The following CPXM2 variants were observed in gnomAD, a reference collection of about 807,000 sequenced individuals.
The protein encoded by CPXM2 is carboxypeptidase X, M14 family member 2, also known as inactive carboxypeptidase-like protein X2.
CPXM2 carries 66 observed loss-of-function variants against 86.1 expected under a neutral mutation model. The observed-to-expected ratio is 0.77, with a 90% CI of 0.63 to 0.94. The LOEUF (loss-of-function observed/expected upper bound fraction) is 0.94, where lower values mean the gene tolerates loss of function less well. CPXM2 is among the 40% of genes least tolerant of loss of function. The probability of loss-of-function intolerance (pLI) is 0.00; values close to 1 mark genes in which losing one functional copy is unlikely to be tolerated. For synonymous variants in CPXM2, 388 were observed against 400.2 expected (o/e 0.97, Z 0.36); for missense variants, 948 against 1,026.3 (o/e 0.92, Z 1.04).
intron 1 of CPXM2, among the ~76,000 whole-genome samples, chr10:123,888,124 A>G (rs1308785322): frequency 2.0e-5 from 3 of 152,124 alleles, no homozygotes; most frequent in African/African-American, 7.2e-5. Flanking sequence ...TCAAATCCCC[A>G]ATGCCCTTGG....
chr10:123,818,076 G>A (rs954701039), intron 4 of CPXM2, among the ~76,000 whole-genome samples: 3 of 152,212 alleles, frequency 2.0e-5, no homozygotes, highest in African/African-American at 4.8e-5. Flanking sequence ...GAGGAGGTAT[G>A]TGGATGGACC....
At chr10:123,757,547 G>C (rs1346928950) in intron 11 of CPXM2, among the ~76,000 whole-genome samples, 195 bp from the exon 12 acceptor site, 1 of 152,228 alleles carries the variant, frequency 6.6e-6, no homozygotes, top group African/African-American at 2.4e-5. Flanking sequence ...TTGGAGAGAA[G>C]ATGCAGCCGG....
At chr10:123,799,674 CAAAAAT>C (rs1847411280) in intron 4 of CPXM2, among the ~76,000 whole-genome samples, 1 of 152,118 alleles carries the variant, frequency 6.6e-6, no homozygotes, top group Non-Finnish European at 1.5e-5. Context: ...TTACCAATCA[CAAAAAT>C]AAAATGTTGA....
At chr10:123,841,578 A>G (rs1160734424) in intron 4 of CPXM2, among the ~76,000 whole-genome samples, 1 of 152,176 alleles carries the variant, frequency 6.6e-6, no homozygotes, top group Admixed American at 6.5e-5. Flanking sequence ...TGACTGCTCT[A>G]GGTCATCATG....
Position 123,750,307 on chromosome 10 carries a change from A to G in CPXM2, c.2018-3290T>C, listed in dbSNP as rs534659915. On this transcript the variant is annotated intron_variant, in intron 13 of 13. Transcript: ENST00000241305. ...GGCTCAGTGCTTAGAGCAAAACCCA[A>G]CGCAGGTCCTGGGGGCCCCTTCCAC... 4.5e-5 allele frequency: 44 copies of G among 984,826 alleles called. No individual in the cohort carries two copies. The African/African-American group carries it at 7.3e-4, about 16-fold the overall frequency. 61.0% of individuals were successfully genotyped at this position (984,826 alleles called of 1,614,324 possible).
chr10:123,915,734 G>C (rs1310848580), intron 2 of CPXM2, among the ~76,000 whole-genome samples: 2 of 152,150 alleles, frequency 1.3e-5, no homozygotes, highest in Non-Finnish European at 2.9e-5. Context: ...CATCCTCAGA[G>C]TTGGTCAATA....
In CPXM2 at chr10:123,798,089, AGAACAG is replaced by A; in HGVS notation, c.770_775del (p.Pro257_Val258del). ...CACCATGGGGACGGGTAGCTCATTG[AGAACAG>A]GGATCTCCTTCTCACTGTTTCCCTC... On this transcript the variant is annotated inframe_deletion, in exon 6 of 14. Coordinates refer to ENST00000241305, the MANE Select transcript of CPXM2 (RefSeq NM_198148.3). The A allele has an allele frequency of 6.2e-7, 1 of 1,610,978 alleles. No individual in the cohort carries two copies. Among genetic ancestry groups the A allele is most frequent in the East Asian group, 2.2e-5 (1 of 44,642 alleles).
intron 2 of CPXM2, among the ~76,000 whole-genome samples, chr10:123,906,725 G>A (rs892023482): frequency 6.6e-6 from 1 of 152,156 alleles, no homozygotes; most frequent in African/African-American, 2.4e-5. Context: ...TCCAAAGACA[G>A]GAAATCTATG....
intron 4 of CPXM2, among the ~76,000 whole-genome samples, chr10:123,838,232 CG>C (rs1848316624): frequency 6.6e-6 from 1 of 152,134 alleles, no homozygotes; most frequent in African/African-American, 2.4e-5. Context: ...GAGGCCGAGG[CG>C]GGAGGATTAC....
At position 123,854,374 on chromosome 10, in the gene CPXM2, A is replaced by AAAATATATATTATATAAAAAT. The variant is rs1554885769; in HGVS notation, c.513+8239_513+8240insATTTTTATATAATATATATTT. 3.3e-3 allele frequency among the ~76,000 whole-genome samples: 271 copies of AAAATATATATTATATAAAAAT among 83,060 alleles called. 3 individuals carry two copies. Among genetic ancestry groups the AAAATATATATTATATAAAAAT allele is most frequent in the African/African-American group, 8.4e-3 (155 of 18,404 alleles). 54.5% of individuals were successfully genotyped at this position (83,060 alleles called of 152,430 possible). ...TATATATATAAAAATATATATATAT[A>AAAATATATATTATATAAAAAT]ATATATATATAATATATATATTATA... On this transcript the variant is annotated intron_variant, in intron 3 of 13. Coordinates refer to ENST00000241305, the MANE Select transcript of CPXM2 (RefSeq NM_198148.3).
chr10:123,866,398 T>C (rs1430022540), intron 2 of CPXM2, among the ~76,000 whole-genome samples: 1 of 70,282 alleles, frequency 1.4e-5, no homozygotes, highest in Non-Finnish European at 2.7e-5. Flanking sequence ...ACCCCATCTC[T>C]ACTAAAAAAT....
At chr10:123,862,381 T>C (rs1483107411) in intron 3 of CPXM2, among the ~76,000 whole-genome samples, 3 of 152,212 alleles carry the variant, frequency 2.0e-5, no homozygotes, top group African/African-American at 7.2e-5. Context: ...AGGAACAACC[T>C]GGGTCCAGGT....
chr10:123,830,872 C>CTCTCTGTG (rs1258897184), intron 4 of CPXM2, among the ~76,000 whole-genome samples: 56 of 142,798 alleles, frequency 3.9e-4, no homozygotes, highest in African/African-American at 1.4e-3. Context: ...CTCTCTCTCT[C>CTCTCTGTG]TGTGTGTGTG....
At chr10:123,841,922 G>T (rs1341476540) in intron 4 of CPXM2, among the ~76,000 whole-genome samples, 1 of 152,192 alleles carries the variant, frequency 6.6e-6, no homozygotes, top group Non-Finnish European at 1.5e-5. Context: ...TAGGAACCTA[G>T]ATTTCCAGTC....
At chr10:123,936,692 C>T (rs1945723716) in intron 2 of CPXM2, among the ~76,000 whole-genome samples, 1 of 152,140 alleles carries the variant, frequency 6.6e-6, no homozygotes, top group Admixed American at 6.5e-5. Context: ...TCTCTCTTTC[C>T]TCAAGTCTCA....
chr10:123,752,289 C>A, intron 13 of CPXM2: 1 of 985,172 alleles, frequency 1.0e-6, no homozygotes, highest in South Asian at 4.7e-5. Context: ...GGGGCTACTA[C>A]GTACAAAATT....
chr10:123,784,281 A>G (rs1169271207), intron 6 of CPXM2, among the ~76,000 whole-genome samples: 1 of 152,198 alleles, frequency 6.6e-6, no homozygotes, highest in African/African-American at 2.4e-5. Context: ...GGCAGCTCTG[A>G]GAGAGACCTG....
At chr10:123,824,857 C>G (rs894146814) in intron 4 of CPXM2, among the ~76,000 whole-genome samples, 2 of 152,208 alleles carry the variant, frequency 1.3e-5, no homozygotes, top group Non-Finnish European at 2.9e-5. Context: ...AATATGACAT[C>G]TCCCCGCCCT....
intron 2 of CPXM2, among the ~76,000 whole-genome samples, chr10:123,871,533 A>G (rs755907566): frequency 1.1e-4 from 16 of 152,186 alleles, no homozygotes; most frequent in Non-Finnish European, 1.9e-4. Context: ...TCTATGTACC[A>G]CCTGCACTAT....
Sources: gnomAD v4.1 joint callset for allele counts (sites outside exome capture counted in the v4.1 genomes callset) on GRCh38, gnomAD v4.1.1 for gene constraint, MANE v1.5 for transcripts, NCBI Gene and HGNC (gene_info 2026-07-23, HGNC 2026-07-21) for gene names.